C16orf89: variants seen among roughly 807,000 people sequenced by gnomAD.
C16orf89 encodes UPF0764 protein C16orf89.
In C16orf89, 57 loss-of-function variants were observed where a neutral mutation model predicts 41.5. The observed-to-expected ratio is 1.38, with a 90% CI of 1.11 to 1.71. C16orf89 has a LOEUF of 1.71. Among genes scored for constraint, C16orf89 ranks in the 40% most tolerant of loss-of-function variants. The probability of loss-of-function intolerance (pLI) is 0.00; values close to 1 mark genes in which losing one functional copy is unlikely to be tolerated. For synonymous variants in C16orf89, 223 were observed against 190.6 expected, an observed-to-expected ratio of 1.17 and a Z score of -1.40; for missense variants, 575 against 445.9, an observed-to-expected ratio of 1.29 and a Z score of -2.61.
intron 7 of C16orf89, among the ~76,000 whole-genome samples, chr16:5,046,870 CTT>C (rs1956307413): frequency 6.6e-6 from 1 of 152,180 alleles, no homozygotes; most frequent in African/African-American, 2.4e-5. Flanking sequence ...AACCAGGACA[CTT>C]TGGAGGAAAG....
At chr16:5,060,583 G>T in intron 2 of C16orf89, 147 bp from the exon 3 acceptor site, 1 of 794,328 alleles carries the variant, frequency 1.3e-6, no homozygotes. Flanking sequence ...TCCCAGATTG[G>T]GTTTGAAACA....
In C16orf89 at chr16:5,064,040, C is replaced by T. The variant is rs144124998; in HGVS notation, c.209-1466G>A. ...TATTTGGGAGGCTGAGCAGGAGAAT[C>T]GCTTGAACCTGGAGGTGGAGGTTGC... On this transcript the variant is annotated intron_variant, in intron 1 of 7. Transcript: ENST00000472572. Among the ~76,000 whole-genome samples, 777 of 152,134 alleles carry T rather than the reference C, an allele frequency of 5.1e-3. 7 individuals carry two copies. Among genetic ancestry groups the T allele is most frequent in the African/African-American group, 0.018 (741 of 41,500 alleles).
chr16:5,046,360 A>T (rs1359683882), intron 7 of C16orf89, among the ~76,000 whole-genome samples: 1 of 151,212 alleles, frequency 6.6e-6, no homozygotes, highest in Non-Finnish European at 1.5e-5. Context: ...ATTTTATTAT[A>T]ATTATTTTTG....
At chr16:5,057,395 AGTG>A (rs760490151) in intron 4 of C16orf89, among the ~76,000 whole-genome samples, 46 of 147,868 alleles carry the variant, frequency 3.1e-4, no homozygotes, top group Non-Finnish European at 6.2e-4. Context: ...GTATATATAT[AGTG>A]GTATATATAT....
chr16:5,056,559 C>G (rs1423404178), intron 4 of C16orf89, among the ~76,000 whole-genome samples: 1 of 152,146 alleles, frequency 6.6e-6, no homozygotes, highest in East Asian at 1.9e-4. Context: ...AGGAGGTGCT[C>G]TGTGACCGAT....
chr16:5,049,016 A>T (rs1391624481), intron 6 of C16orf89, among the ~76,000 whole-genome samples: 7 of 152,234 alleles, frequency 4.6e-5, no homozygotes, highest in Non-Finnish European at 1.5e-5. Context: ...AAAGTGAAAG[A>T]GTGAGAAAAG....
intron 2 of C16orf89, among the ~76,000 whole-genome samples, chr16:5,061,432 C>CAA (rs59903296): frequency 1.5e-3 from 39 of 25,244 alleles, no homozygotes; most frequent in Admixed American, 1.7e-3. Context: ...GACTCTGTCT[C>CAA]AAAAAAAAAA....
At chr16:5,057,296 A>G (rs1268859094) in intron 4 of C16orf89, among the ~76,000 whole-genome samples, 2 of 146,760 alleles carry the variant, frequency 1.4e-5, no homozygotes, top group East Asian at 2.0e-4. Context: ...ATATGTGTAT[A>G]TATATATATA....
chr16:5,059,824 G>T (rs1956579386), intron 3 of C16orf89, among the ~76,000 whole-genome samples: 1 of 152,060 alleles, frequency 6.6e-6, no homozygotes, highest in South Asian at 2.1e-4. Context: ...TCTGCTATGT[G>T]CTGGGGTCAG....
intron 6 of C16orf89, among the ~76,000 whole-genome samples, chr16:5,050,887 G>T (rs577849132): frequency 6.6e-6 from 1 of 152,298 alleles, no homozygotes; most frequent in African/African-American, 2.4e-5. Flanking sequence ...GGGATGCAAG[G>T]ATGGTTCAAC....
In C16orf89 at chr16:5,060,453, A is replaced by G. The variant is rs758236894; in HGVS notation, c.359-17T>C. The stretch of plus-strand genomic sequence containing the variant: ...GCTGGAACTCTGGCAGAGAGGACAG[A>G]TAGATGGGGTGGGGTGTGGGGGTGA... On this transcript the variant is annotated splice_polypyrimidine_tract_variant and intron_variant, in intron 2 of 7. Transcript: ENST00000472572. The G allele has an allele frequency of 6.2e-7, 1 of 1,606,810 alleles. No individual in the cohort carries two copies. Among genetic ancestry groups the G allele is most frequent in the Non-Finnish European group, 8.5e-7 (1 of 1,176,094 alleles).
In C16orf89 at chr16:5,055,852, C is replaced by T; in HGVS notation, c.763+201G>A. The T allele has an allele frequency of 3.1e-6, 4 of 1,304,286 alleles. No homozygotes were observed. The Middle Eastern group carries it at 7.3e-4, about 238-fold the overall frequency. The allele number at this position is 1,304,286 out of a possible 1,614,324, so 80.8% of individuals were successfully genotyped here. ...TATCCCATGAAATAGTTGGGATAAA[C>T]TTATACTAAAAATGGATTCATTGCT... On this transcript the variant is annotated intron_variant, in intron 5 of 7. Transcript: ENST00000472572.
intron 2 of C16orf89, among the ~76,000 whole-genome samples, chr16:5,061,033 G>A (rs1956609398): frequency 6.6e-6 from 1 of 150,536 alleles, no homozygotes. Context: ...AGCCAAGGCG[G>A]GCGAATCACT....
intron 4 of C16orf89, among the ~76,000 whole-genome samples, chr16:5,056,757 A>G (rs117558094): frequency 3.9e-5 from 6 of 152,346 alleles, no homozygotes; most frequent in Non-Finnish European, 8.8e-5. Flanking sequence ...CTAATGATCA[A>G]AATAATTCCC....
chr16:5,050,867 C>T (rs888543454), intron 6 of C16orf89, among the ~76,000 whole-genome samples: 1 of 152,108 alleles, frequency 6.6e-6, no homozygotes, highest in East Asian at 1.9e-4. Context: ...AACAAGGGGA[C>T]TTTATTGGAG....
chr16:5,062,644 A>G, intron 1 of C16orf89, 70 bp from the exon 2 acceptor site: 5 of 1,452,324 alleles, frequency 3.4e-6, no homozygotes, highest in Non-Finnish European at 4.7e-6. Flanking sequence ...GGAACAAGAA[A>G]AAAAAATGCC....
intron 4 of C16orf89, among the ~76,000 whole-genome samples, chr16:5,058,217 C>T (rs1244001097): frequency 6.6e-6 from 1 of 151,998 alleles, no homozygotes; most frequent in Non-Finnish European, 1.5e-5. Context: ...ACCTCCGCCT[C>T]CCGGGTTCCA....
At chr16:5,057,310 GTATA>G (rs969007206) in intron 4 of C16orf89, among the ~76,000 whole-genome samples, 2 of 140,292 alleles carry the variant, frequency 1.4e-5, no homozygotes, top group Admixed American at 7.2e-5. Flanking sequence ...ATATATAGTG[GTATA>G]TATATACATA....
At chr16:5,049,849 A>G (rs1956365183) in intron 6 of C16orf89, among the ~76,000 whole-genome samples, 1 of 152,200 alleles carries the variant, frequency 6.6e-6, no homozygotes. Context: ...GAAATTGTAA[A>G]GATCAGAGCA....
Sources: allele counts gnomAD v4.1 joint callset (sites outside exome capture counted in the v4.1 genomes callset), GRCh38; gene constraint gnomAD v4.1.1; transcripts MANE v1.5; gene names NCBI Gene and HGNC (gene_info 2026-07-23, HGNC 2026-07-21).